Variants in JAKMIP1 observed in about 807,000 individuals in gnomAD.
JAKMIP1 encodes the protein janus kinase and microtubule-interacting protein 1.
JAKMIP1 carries 33 observed loss-of-function variants against 113.0 expected under a neutral mutation model. The observed-to-expected ratio is 0.29, with a 90% CI of 0.22 to 0.39. The LOEUF is 0.39. Among genes scored for constraint, JAKMIP1 ranks in the 10% least tolerant of loss-of-function variants. The pLI, the probability that JAKMIP1 is intolerant of heterozygous loss-of-function variation, is 1.00. For missense variants in JAKMIP1, 813 were observed against 1,080.5 expected (o/e 0.75, Z 3.47); for synonymous variants, 480 against 459.9 (o/e 1.04, Z -0.56).
At chr4:6,148,904 T>C (rs530162817) in intron 1 of JAKMIP1, among the ~76,000 whole-genome samples, 6 of 152,332 alleles carry the variant, frequency 3.9e-5, no homozygotes, top group African/African-American at 1.4e-4. Context: ...GAGTATTTTC[T>C]AGCCAGGGCA....
intron 1 of JAKMIP1, among the ~76,000 whole-genome samples, chr4:6,120,197 A>C (rs1478090291): frequency 6.7e-6 from 1 of 148,576 alleles, no homozygotes; most frequent in Non-Finnish European, 1.5e-5. Flanking sequence ...TTTTTTTTTA[A>C]CAAACATTCA....
Position 6,042,161 on chromosome 4 carries a change from TCTC to T in JAKMIP1, c.2092_2094del (p.Glu698del). On this transcript the variant is annotated inframe_deletion, in exon 17 of 21. Coordinates refer to ENST00000409021, the MANE Select transcript of JAKMIP1 (RefSeq NM_001099433.2). The surrounding 1 kb of genome is among the most constrained non-coding windows in gnomAD (Gnocchi z 5.2). Reference sequence around the variant, plus strand: ...CCCCAGGCAGTCAAATCTTTTACCTTCTCCTTCTCCAGGTCCAGCATCTTCTGG... The same window carrying T: ...CCCCAGGCAGTCAAATCTTTTACCTTCTTCTCCAGGTCCAGCATCTTCTGG... 1.2e-6 allele frequency: 2 copies of T among 1,613,542 alleles called. No homozygotes were observed. Among genetic ancestry groups the T allele is most frequent in the Non-Finnish European group, 1.7e-6 (2 of 1,179,598 alleles).
At position 6,061,815 on chromosome 4, in the gene JAKMIP1, G is replaced by T. The variant is rs143917285; in HGVS notation, c.1560+497C>A. On this transcript the variant is annotated intron_variant, in intron 10 of 20. Transcript: ENST00000409021. This position sits in a 1 kb window ranked among gnomAD's most constrained non-coding sequence, Gnocchi z 5.3. ...GAAGGTGGGAGAAGGGCCAGTGGAT[G>T]GAAGTTTCCAGAAGGCAGAGCTCAG... is the stretch of plus-strand genomic sequence containing the variant. Among the ~76,000 whole-genome samples, 70 of 152,272 alleles carry T rather than the reference G, an allele frequency of 4.6e-4. No individual in the cohort carries two copies. The highest frequency in any genetic ancestry group is 3.4e-3 in the Middle Eastern group (1 of 292).
At chr4:6,103,672 T>C (rs1317002917) in intron 3 of JAKMIP1, among the ~76,000 whole-genome samples, 2 of 152,222 alleles carry the variant, frequency 1.3e-5, no homozygotes, top group Non-Finnish European at 2.9e-5. Flanking sequence ...CAGATTTAAT[T>C]TATTTAGGAG....
chr4:6,186,570 T>A lies in JAKMIP1; in HGVS notation c.-148+13683A>T, dbSNP rs906625042. ...CTTGTTTTCTCTCCTTTTAATTTTA[T>A]TGAGGTTGTATTAGGGCCTAGCATA... On this transcript the variant is annotated intron_variant, in intron 1 of 20. Coordinates refer to ENST00000409021, the MANE Select transcript of JAKMIP1 (RefSeq NM_001099433.2). This position sits in a 1 kb window ranked among gnomAD's most constrained non-coding sequence, Gnocchi z 5.5. Among the ~76,000 whole-genome samples, 1 of 152,208 alleles carries A rather than the reference T, an allele frequency of 6.6e-6. No homozygotes were observed. Among genetic ancestry groups the A allele is most frequent in the African/African-American group, 2.4e-5 (1 of 41,462 alleles).
At chr4:6,062,254 G>GACCTA in intron 10 of JAKMIP1, 58 bp downstream of exon 10, 1 of 1,589,760 alleles carries the variant, frequency 6.3e-7, no homozygotes, top group Non-Finnish European at 8.6e-7. Flanking sequence ...TTCTGGAAAG[G>GACCTA]ACCTACATGA....
In JAKMIP1 at chr4:6,088,168, C is replaced by T. The variant is rs563785201; in HGVS notation, c.625-2539G>A. Among the ~76,000 whole-genome samples, 3 of 152,178 alleles carry T rather than the reference C, an allele frequency of 2.0e-5. No homozygotes were observed. Among genetic ancestry groups the T allele is most frequent in the African/African-American group, 4.8e-5 (2 of 41,426 alleles). On this transcript the variant is annotated intron_variant, in intron 3 of 20. Coordinates refer to ENST00000409021, the MANE Select transcript of JAKMIP1 (RefSeq NM_001099433.2). This position sits in a 1 kb window ranked among gnomAD's most constrained non-coding sequence, Gnocchi z 5.5. ...ACATTAGAGAGCAAAAGAGACCAGC[C>T]GCCCTGCCCTAGGGGCTTCTATTCT...
chr4:6,170,734 ACCCTTG>A lies in JAKMIP1; in HGVS notation c.-148+29513_-148+29518del, dbSNP rs774016540. ...CACCACCATCCCCATCCCCATCACC[ACCCTTG>A]CCACCACAATCACCACCACATCCCC... is the stretch of plus-strand genomic sequence containing the variant. On this transcript the variant is annotated intron_variant, in intron 1 of 20. Transcript: ENST00000409021. 1.6e-4 allele frequency among the ~76,000 whole-genome samples: 12 copies of A among 76,034 alleles called. 1 individual carries two copies. In the East Asian group the frequency reaches 2.0e-3, roughly 13 times the overall value. The allele number at this position is 76,034 out of a possible 152,430, so 49.9% of individuals were successfully genotyped here.
chr4:6,109,424 C>T (rs1239243553), intron 2 of JAKMIP1, among the ~76,000 whole-genome samples: 1 of 151,720 alleles, frequency 6.6e-6, no homozygotes, highest in South Asian at 2.1e-4. Context: ...TGAGCCACTG[C>T]GGAGCCTGGG....
intron 1 of JAKMIP1, among the ~76,000 whole-genome samples, chr4:6,190,743 A>G (rs1727168575): frequency 6.6e-6 from 1 of 152,222 alleles, no homozygotes; most frequent in African/African-American, 2.4e-5. Context: ...CTCCATGTGG[A>G]ACAAGCACAC....
At chr4:6,146,332 G>T (rs1278407632) in intron 1 of JAKMIP1, among the ~76,000 whole-genome samples, 3 of 152,172 alleles carry the variant, frequency 2.0e-5, no homozygotes, top group Non-Finnish European at 4.4e-5. Context: ...TCACTCTGTT[G>T]CCCAGGCTAG....
At chr4:6,034,635 C>T (rs28711039) in intron 19 of JAKMIP1, among the ~76,000 whole-genome samples, 3,567 of 152,222 alleles carry the variant, frequency 0.023, 139 homozygotes, top group African/African-American at 0.078. Flanking sequence ...AACGCCGTCT[C>T]TACTAAGAAT....
At chr4:6,190,214 C>T (rs1358625710) in intron 1 of JAKMIP1, among the ~76,000 whole-genome samples, 1 of 151,912 alleles carries the variant, frequency 6.6e-6, no homozygotes, top group Non-Finnish European at 1.5e-5. Context: ...GGGGGGGCTG[C>T]AATGCCAGGC....
Position 6,105,851 on chromosome 4 carries a change from C to T in JAKMIP1, c.246G>A (p.Lys82=). ...GCCCCTCGCGCAGCGCCTGCAGCTCCTTGGTCTTCTCCTCATGCAGCTTGG... is the reference window on the plus strand; with the variant it reads ...GCCCCTCGCGCAGCGCCTGCAGCTCTTTGGTCTTCTCCTCATGCAGCTTGG... ...LKAKLHEEKT[K]ELQALREGLI... is the part of the protein sequence containing the mutation. Residue 82 remains lysine (K), a synonymous_variant, in exon 3 of 21, where the codon AAG becomes AAA. Coordinates refer to ENST00000409021, the MANE Select transcript of JAKMIP1 (RefSeq NM_001099433.2). 1.2e-6 allele frequency: 2 copies of T among 1,612,048 alleles called. No individual in the cohort carries two copies. The highest frequency in any genetic ancestry group is 2.2e-5 in the South Asian group (2 of 91,084).
chr4:6,068,793 C>T (rs900492363), intron 8 of JAKMIP1, among the ~76,000 whole-genome samples: 1 of 152,148 alleles, frequency 6.6e-6, no homozygotes, highest in Non-Finnish European at 1.5e-5. Flanking sequence ...TGGTGTCAAA[C>T]TCTTGACCTC....
chr4:6,157,202 C>T lies in JAKMIP1; in HGVS notation c.-148+43051G>A, dbSNP rs553832213. The stretch of plus-strand genomic sequence containing the variant: ...GGTCCCTCCACCATGGACTTCCCAG[C>T]CTCCAGAACTGTAAGAAACGCATTT... On this transcript the variant is annotated intron_variant, in intron 1 of 20. Transcript: ENST00000409021. The surrounding 1 kb of genome is among the most constrained non-coding windows in gnomAD (Gnocchi z 4.7). 2.0e-5 allele frequency among the ~76,000 whole-genome samples: 3 copies of T among 152,310 alleles called. No individual in the cohort carries two copies. The highest frequency in any genetic ancestry group is 6.5e-5 in the Admixed American group (1 of 15,298).
In JAKMIP1 at chr4:6,050,479, A is replaced by G. The variant is rs1337184656; in HGVS notation, c.1908+99T>C. ...CTTTCAACACAAGGGGTATCTCATGAAAATCAATTCTATCCCAGCACTCCC... is the reference window on the plus strand; with the variant it reads ...CTTTCAACACAAGGGGTATCTCATGGAAATCAATTCTATCCCAGCACTCCC... On this transcript the variant is annotated intron_variant, in intron 14 of 20. Coordinates refer to ENST00000409021, the MANE Select transcript of JAKMIP1 (RefSeq NM_001099433.2). This position sits in a 1 kb window ranked among gnomAD's most constrained non-coding sequence, Gnocchi z 7.4. The G allele has an allele frequency of 2.5e-6, 2 of 811,716 alleles. No individual in the cohort carries two copies. Among genetic ancestry groups the G allele is most frequent in the Non-Finnish European group, 2.0e-6 (1 of 502,480 alleles). The allele number at this position is 811,716 out of a possible 1,614,324, so 50.3% of individuals were successfully genotyped here.
At chr4:6,052,078 G>A (rs1715725105) in intron 13 of JAKMIP1, among the ~76,000 whole-genome samples, 1 of 152,058 alleles carries the variant, frequency 6.6e-6, no homozygotes, top group Non-Finnish European at 1.5e-5. Flanking sequence ...AAGATGCTCT[G>A]GGGTGAGACT....
chr4:6,140,258 T>C lies in JAKMIP1; in HGVS notation c.-147-27261A>G, dbSNP rs1202489348. ...TATTTTTCTTTTTTCCTCTTTTTTT[T>C]TTTTTTTTCTGTGGGGAGGGACTTT... On this transcript the variant is annotated intron_variant, in intron 1 of 20. Coordinates refer to ENST00000409021, the MANE Select transcript of JAKMIP1 (RefSeq NM_001099433.2). This position sits in a 1 kb window ranked among gnomAD's most constrained non-coding sequence, Gnocchi z 9.4. Among the ~76,000 whole-genome samples the C allele has an allele frequency of 2.6e-5, 4 of 151,748 alleles. No individual in the cohort carries two copies. Among genetic ancestry groups the C allele is most frequent in the South Asian group, 2.1e-4 (1 of 4,798 alleles).
Sources: allele counts gnomAD v4.1 joint callset (sites outside exome capture counted in the v4.1 genomes callset), GRCh38; gene constraint gnomAD v4.1.1; non-coding constraint Gnocchi (gnomAD v3.1); transcripts MANE v1.5; gene names NCBI Gene and HGNC (gene_info 2026-07-23, HGNC 2026-07-21).